Variants in HP1BP3 observed in about 807,000 individuals in gnomAD.
HP1BP3 encodes the protein heterochromatin protein 1 binding protein 3.
A neutral mutation model predicts 62.5 loss-of-function variants in HP1BP3; 12 were observed. That is an observed-to-expected ratio of 0.19 (90% CI 0.12 to 0.31). HP1BP3 has a LOEUF of 0.31. Ranked by LOEUF, HP1BP3 falls within the 10% of genes least tolerant of loss-of-function variation. The pLI, the probability that HP1BP3 is intolerant of heterozygous loss-of-function variation, is 1.00. For missense variants in HP1BP3, 502 were observed against 651.8 expected (o/e 0.77, Z 2.50); for synonymous variants, 260 against 237.8 (o/e 1.09, Z -0.86).
intron 9 of HP1BP3, among the ~76,000 whole-genome samples, chr1:20,756,000 G>C (rs1329998021): frequency 2.0e-5 from 3 of 152,220 alleles, no homozygotes; most frequent in African/African-American, 7.2e-5. Context: ...TGGTGGAATA[G>C]GGAGTGACTG....
chr1:20,755,893 T>C (rs1377115214), intron 9 of HP1BP3, among the ~76,000 whole-genome samples: 1 of 152,118 alleles, frequency 6.6e-6, no homozygotes, highest in Non-Finnish European at 1.5e-5. Context: ...ACACAAAAGA[T>C]CATATAGTAC....
At chr1:20,758,728 C>T (rs1268881573) in intron 8 of HP1BP3, among the ~76,000 whole-genome samples, 1 of 151,298 alleles carries the variant, frequency 6.6e-6, no homozygotes, top group Non-Finnish European at 1.5e-5. Flanking sequence ...TCACTGTAGC[C>T]TTGATCTCCC....
rs1050363013 is a variant in HP1BP3, at chr1:20,783,349, T to G, written c.-100-2809A>C. The stretch of plus-strand genomic sequence containing the variant: ...GCCTGGCCAACATGGTGAAACCCCA[T>G]CTCTACTAAAAACACAAAAGTTAGC... On this transcript the variant is annotated intron_variant, in intron 1 of 12. Transcript: ENST00000438032. 1.3e-4 allele frequency among the ~76,000 whole-genome samples: 20 copies of G among 152,030 alleles called. No individual in the cohort carries two copies. In the South Asian group the frequency reaches 3.7e-3, roughly 28 times the overall value.
chr1:20,746,042 A>T (rs955307590), intron 11 of HP1BP3, among the ~76,000 whole-genome samples: 1 of 150,932 alleles, frequency 6.6e-6, no homozygotes, highest in Middle Eastern at 3.2e-3. Context: ...TCCAAGTCTT[A>T]AAAAAAAAGA....
intron 5 of HP1BP3, among the ~76,000 whole-genome samples, chr1:20,772,211 A>G (rs1196377960): frequency 6.6e-6 from 1 of 152,260 alleles, no homozygotes; most frequent in Non-Finnish European, 1.5e-5. Flanking sequence ...AATGGTATCC[A>G]TGGTCTGAAA....
chr1:20,785,996 C>T (rs2057805258), intron 1 of HP1BP3, among the ~76,000 whole-genome samples: 1 of 152,198 alleles, frequency 6.6e-6, no homozygotes, highest in South Asian at 2.1e-4. Context: ...GAATTGGATT[C>T]TCACTTTTTA....
rs746360986 is a variant in HP1BP3, at chr1:20,743,671, A to C, written c.*1126T>G. 1.3e-5 allele frequency: 2 copies of C among 152,004 alleles called. No individual in the cohort carries two copies. The highest frequency in any genetic ancestry group is 2.9e-5 in the Non-Finnish European group (2 of 68,024). The allele number at this position is 152,004 out of a possible 1,614,324, so 9.4% of individuals were successfully genotyped here. ...GCGAGACTCTGTCTCAAAAATAATA[A>C]TAATAATAAAAAATAAAAAAGATTT... On this transcript the variant is annotated 3_prime_UTR_variant, in exon 13 of 13. Coordinates refer to ENST00000438032, the MANE Select transcript of HP1BP3 (RefSeq NM_001372052.1).
chr1:20,786,492 G>A (rs1440473573), intron 1 of HP1BP3: 1 of 152,486 alleles, frequency 6.6e-6, no homozygotes, highest in Non-Finnish European at 1.5e-5. Flanking sequence ...CGGGCCGCCA[G>A]CGAGGCGGGG....
At chr1:20,774,194 G>T (rs1414452789) in intron 4 of HP1BP3, 1 of 152,194 alleles carries the variant, frequency 6.6e-6, no homozygotes, top group Non-Finnish European at 1.5e-5. Context: ...CCTAATAGGT[G>T]CATTAGAACA....
chr1:20,772,671 C>T (rs181364370), intron 5 of HP1BP3, among the ~76,000 whole-genome samples: 11 of 152,142 alleles, frequency 7.2e-5, no homozygotes, highest in Admixed American at 4.6e-4. Flanking sequence ...ATCTGTATCC[C>T]TGTCTCCCCA....
chr1:20,760,796 A>G (rs2056424100), intron 8 of HP1BP3, among the ~76,000 whole-genome samples: 1 of 152,174 alleles, frequency 6.6e-6, no homozygotes, highest in African/African-American at 2.4e-5. Flanking sequence ...AGATCATGCC[A>G]CTGCACTCCA....
chr1:20,779,726 A>C, intron 3 of HP1BP3, 86 bp downstream of exon 3: 1 of 834,862 alleles, frequency 1.2e-6, no homozygotes, highest in Non-Finnish European at 1.8e-6. Context: ...AAAAAAAAAA[A>C]CAATTAAGTT....
intron 5 of HP1BP3, among the ~76,000 whole-genome samples, chr1:20,773,070 A>T (rs1266202099): frequency 2.0e-5 from 3 of 152,208 alleles, no homozygotes; most frequent in African/African-American, 7.2e-5. Context: ...TAGATTTATA[A>T]GGGCAAGGAC....
Position 20,744,583 on chromosome 1 carries a change from C to A in HP1BP3, c.*214G>T, listed in dbSNP as rs2055192958. On this transcript the variant is annotated 3_prime_UTR_variant, in exon 13 of 13. Transcript: ENST00000438032. ...AGTTTAGGAAAGTCCAGGATTATTGCAGAAATTAAAATGAACAAGGAAAAG... is the reference window on the plus strand; with the variant it reads ...AGTTTAGGAAAGTCCAGGATTATTGAAGAAATTAAAATGAACAAGGAAAAG... 1.9e-6 allele frequency: 1 copy of A among 538,812 alleles called. No homozygotes were observed. The highest frequency in any genetic ancestry group is 3.3e-6 in the Non-Finnish European group (1 of 307,094). The allele number at this position is 538,812 out of a possible 1,614,324, so 33.4% of individuals were successfully genotyped here. A position where few individuals can be genotyped will look rare whatever the true frequency, so the allele number is the denominator to read the frequency against.
At chr1:20,764,089 CAT>C (rs1290392110) in intron 8 of HP1BP3, among the ~76,000 whole-genome samples, 12 of 152,164 alleles carry the variant, frequency 7.9e-5, no homozygotes, top group Non-Finnish European at 1.6e-4. Context: ...CTTCCCAACA[CAT>C]ATAATTTCAT....
At chr1:20,759,880 A>ATTTTTTTTTT (rs71014104) in intron 8 of HP1BP3, among the ~76,000 whole-genome samples, 7 of 113,016 alleles carry the variant, frequency 6.2e-5, no homozygotes, top group African/African-American at 2.4e-4. Flanking sequence ...TTAAAGACCG[A>ATTTTTTTTTT]TTTTTTTTTT....
At chr1:20,746,606 T>C (rs1308851842) in intron 11 of HP1BP3, among the ~76,000 whole-genome samples, 1 of 152,210 alleles carries the variant, frequency 6.6e-6, no homozygotes, top group Non-Finnish European at 1.5e-5. Flanking sequence ...GTGATCAATA[T>C]ATTTTTTTGT....
intron 10 of HP1BP3, among the ~76,000 whole-genome samples, chr1:20,748,477 C>A (rs920994734): frequency 6.6e-6 from 1 of 152,192 alleles, no homozygotes; most frequent in African/African-American, 2.4e-5. Context: ...CCGGGCGTGG[C>A]GGCTCACGCC....
chr1:20,784,318 A>C (rs2057714847), intron 1 of HP1BP3, among the ~76,000 whole-genome samples: 1 of 152,028 alleles, frequency 6.6e-6, no homozygotes, highest in Non-Finnish European at 1.5e-5. Context: ...TGAATGATCA[A>C]ATTTTGAGGC....
Sources: gnomAD v4.1 joint callset for allele counts (sites outside exome capture counted in the v4.1 genomes callset) on GRCh38, gnomAD v4.1.1 for gene constraint, MANE v1.5 for transcripts, NCBI Gene and HGNC (gene_info 2026-07-23, HGNC 2026-07-21) for gene names.